The following NRDE2 variants were observed in gnomAD, a reference collection of about 807,000 sequenced individuals.
NRDE2 encodes the protein NRDE-2, necessary for RNA interference, domain containing.
A neutral mutation model predicts 124.2 loss-of-function variants in NRDE2; 76 were observed. The ratio of observed to expected loss-of-function variants is 0.61; its 90% CI spans 0.51 to 0.74. NRDE2 has a LOEUF of 0.74. Ranked by LOEUF, NRDE2 falls within the 30% of genes least tolerant of loss-of-function variation. NRDE2 has a pLI of 0.00. For missense variants in NRDE2, 1,314 were observed against 1,417.3 expected (o/e 0.93, Z 1.17); for synonymous variants, 489 against 528.1 (o/e 0.93, Z 1.01).
At position 90,304,986 on chromosome 14, in the gene NRDE2, C is replaced by T. The variant is rs543175116; in HGVS notation, c.558-604G>A. ...AAAACGCTTTTATGGAACATGTAGG[C>T]GTCCCCAGAGTTAACAAACACATGA... On this transcript the variant is annotated intron_variant, in intron 4 of 13. Transcript: ENST00000354366. 2.6e-5 allele frequency among the ~76,000 whole-genome samples: 4 copies of T among 152,258 alleles called. No homozygotes were observed. In the East Asian group the frequency reaches 5.8e-4, roughly 22 times the overall value.
At position 90,286,404 on chromosome 14, in the gene NRDE2, C is replaced by G; in HGVS notation, c.3247G>C (p.Asp1083His). The G allele has an allele frequency of 6.2e-7, 1 of 1,614,140 alleles. No homozygotes were observed. The highest frequency in any genetic ancestry group is 8.5e-7 in the Non-Finnish European group (1 of 1,180,010). Residue 1083 changes from aspartate to histidine, a missense_variant, in exon 12 of 14, where the codon GAC becomes CAC. Coordinates refer to ENST00000354366, the MANE Select transcript of NRDE2 (RefSeq NM_017970.4). ...QALFENAMRS[D>H]SGSQCPLLWR... ...AGCAAGGGGCACTGGCTGCCACTGT[C>G]GCTGCGCATGGCATTTTCAAACAGG... is the stretch of plus-strand genomic sequence containing the variant.
chr14:90,298,595 C>G (rs1231694159), intron 7 of NRDE2, among the ~76,000 whole-genome samples: 1 of 152,194 alleles, frequency 6.6e-6, no homozygotes, highest in Non-Finnish European at 1.5e-5. Context: ...CATGACCCTA[C>G]CTCTGCCTTG....
rs1051125711 is a variant in NRDE2 at position 90,278,414 on chromosome 14, C to T, written c.3417G>A (p.Glu1139=). The change falls in exon 14 of 14, where the codon GAG becomes GAA. Residue 1139 remains glutamate (E), a synonymous_variant. Coordinates refer to ENST00000354366, the MANE Select transcript of NRDE2 (RefSeq NM_017970.4). ...AVEYFPDEMQ[E]ILDLMTEKEL... ...CCTTCTCAGTCATCAGGTCCAGGAT[C>T]TCCTGCATCTCATCGGGGAAATACT... 1.9e-6 allele frequency: 3 copies of T among 1,614,174 alleles called. No homozygotes were observed. The highest frequency in any genetic ancestry group is 2.5e-6 in the Non-Finnish European group (3 of 1,180,016).
intron 1 of NRDE2, among the ~76,000 whole-genome samples, chr14:90,318,778 G>C (rs1020317158): frequency 6.6e-6 from 1 of 152,108 alleles, no homozygotes; most frequent in African/African-American, 2.4e-5. Flanking sequence ...CAGCATGGAT[G>C]ACAGAGTTAG....
Position 90,312,448 on chromosome 14 carries a change from T to C in NRDE2, c.503A>G (p.Lys168Arg), listed in dbSNP as rs779062271. Residue 168 changes from lysine (K) to arginine (R), a missense_variant, in exon 4 of 14, where the codon AAA becomes AGA. Coordinates refer to ENST00000354366, the MANE Select transcript of NRDE2 (RefSeq NM_017970.4). ...VTGETFRTDK[K>R]PDPANWEYKS... is the part of the protein sequence containing the mutation. ...GTACTCCCAGTTCGCAGGATCTGGT[T>C]TCTTATCTGTTCTGAAGGTTTCTCC... 6.2e-7 allele frequency: 1 copy of C among 1,614,146 alleles called. No individual in the cohort carries two copies. Among genetic ancestry groups the C allele is most frequent in the East Asian group, 2.2e-5 (1 of 44,882 alleles).
At chr14:90,326,715 C>T (rs551808753) in intron 1 of NRDE2, among the ~76,000 whole-genome samples, 1 of 152,148 alleles carries the variant, frequency 6.6e-6, no homozygotes, top group South Asian at 2.1e-4. Flanking sequence ...CATTATAAAA[C>T]AAAATCAAAT....
At chr14:90,283,599 G>A (rs1055045525) in intron 12 of NRDE2, among the ~76,000 whole-genome samples, 3 of 152,106 alleles carry the variant, frequency 2.0e-5, no homozygotes, top group Non-Finnish European at 4.4e-5. Context: ...TCTACTAACA[G>A]CAGCATCCTG....
At position 90,316,642 on chromosome 14, in the gene NRDE2, C is replaced by T. The variant is rs1327268148; in HGVS notation, c.343G>A (p.Asp115Asn). 10 of 1,614,068 alleles carry T rather than the reference C, an allele frequency of 6.2e-6. No individual in the cohort carries two copies. The highest frequency in any genetic ancestry group is 5.0e-5 in the Admixed American group (3 of 59,998). The part of the protein sequence containing the change: ...SSSSRSETDT[D>N]SEKDKPSRGV... Reference sequence around the variant, plus strand: ...CTGGAAGGTTTGTCCTTTTCAGAATCGGTGTCTGTCTCAGACCTGCTGCTA... The same window carrying T: ...CTGGAAGGTTTGTCCTTTTCAGAATTGGTGTCTGTCTCAGACCTGCTGCTA... The change falls in exon 3 of 14, where the codon GAT (aspartate) becomes AAT (asparagine). Residue 115 changes from aspartate (D) to asparagine (N), a missense_variant. Transcript: ENST00000354366.
intron 13 of NRDE2, chr14:90,278,757 C>T (rs1334580098): frequency 3.7e-6 from 2 of 534,534 alleles, no homozygotes; most frequent in South Asian, 2.5e-5. Context: ...CCTGGGCTCT[C>T]ACAGCCAGGC....
intron 1 of NRDE2, among the ~76,000 whole-genome samples, chr14:90,319,957 T>G (rs1034036246): frequency 2.6e-5 from 4 of 152,240 alleles, no homozygotes; most frequent in African/African-American, 9.6e-5. Context: ...TGTATAAGAA[T>G]TCCAGTTTCT....
At position 90,288,305 on chromosome 14, in the gene NRDE2, T is replaced by C. The variant is rs1283205484; in HGVS notation, c.3070A>G (p.Ile1024Val). ...ASKTRRFFDT[I>V]TRSAKPLEPW... is the part of the protein sequence containing the mutation. ...TCCAAGGGTTTGGCAGACCTGGTGA[T>C]TGTGTCAAAAAATCTCCTGGTTTTG... The change falls in exon 11 of 14, where the codon ATC (isoleucine) becomes GTC (valine). Residue 1024 changes from isoleucine (I) to valine (V), a missense_variant. Physicochemically the swap from Ile to Val is conservative, Grantham distance 29. Transcript: ENST00000354366. 8.1e-6 allele frequency: 13 copies of C among 1,614,178 alleles called. No homozygotes were observed. The highest frequency in any genetic ancestry group is 1.3e-5 in the African/African-American group (1 of 75,044).
rs967205490 is a variant in NRDE2 at position 90,267,986 on chromosome 14, C to G, written c.*10350G>C. 2.5e-6 allele frequency: 1 copy of G among 396,600 alleles called. No homozygotes were observed. The highest frequency in any genetic ancestry group is 4.5e-6 in the Non-Finnish European group (1 of 224,538). The allele number at this position is 396,600 out of a possible 1,614,324, so 24.6% of individuals were successfully genotyped here. A position where few individuals can be genotyped will look rare whatever the true frequency, so the allele number is the denominator to read the frequency against. On this transcript the variant is annotated 3_prime_UTR_variant, in exon 14 of 14. Transcript: ENST00000354366. Reference sequence around the variant, plus strand: ...TAACCAAGTAAAAAGTATTTTCTGACGTTATCATAAGTTCAGCAAAATAGC... The same window carrying G: ...TAACCAAGTAAAAAGTATTTTCTGAGGTTATCATAAGTTCAGCAAAATAGC...
rs1320796567 is a variant in NRDE2 at position 90,273,697 on chromosome 14, T to G, written c.*4639A>C. 1 of 154,120 alleles carries G rather than the reference T, an allele frequency of 6.5e-6. No individual in the cohort carries two copies. Among genetic ancestry groups the G allele is most frequent in the Non-Finnish European group, 1.5e-5 (1 of 68,218 alleles). 9.5% of individuals were successfully genotyped at this position (154,120 alleles called of 1,614,324 possible). On this transcript the variant is annotated 3_prime_UTR_variant, in exon 14 of 14. Transcript: ENST00000354366. ...TGGCGTCTCTAAGGGAGAATCCGTT[T>G]CCTTGCTGAGGATTATTGTTGGCAG...
intron 1 of NRDE2, among the ~76,000 whole-genome samples, chr14:90,319,513 T>C (rs1246452897): frequency 6.9e-6 from 1 of 145,606 alleles, no homozygotes; most frequent in African/African-American, 2.5e-5. Context: ...CCCGCCCACC[T>C]CACCCCTAGC....
intron 4 of NRDE2, among the ~76,000 whole-genome samples, chr14:90,310,519 C>T (rs1374278276): frequency 8.7e-6 from 1 of 114,416 alleles, no homozygotes; most frequent in East Asian, 3.1e-4. Context: ...TTGTTGACTG[C>T]CCTTTTTTTT....
At chr14:90,297,391 G>A (rs1047634243) in intron 8 of NRDE2, among the ~76,000 whole-genome samples, 1 of 151,758 alleles carries the variant, frequency 6.6e-6, no homozygotes, top group African/African-American at 2.4e-5. Context: ...AACATCATCT[G>A]TTCCTTTTTA....
intron 2 of NRDE2, 51 bp from the exon 3 acceptor site, chr14:90,316,862 A>T: frequency 8.6e-7 from 1 of 1,169,154 alleles, no homozygotes; most frequent in African/African-American, 1.5e-5. Context: ...ATGTAGGAAA[A>T]ATAATACTAT....
chr14:90,321,119 AT>A (rs1211747753), intron 1 of NRDE2, among the ~76,000 whole-genome samples: 6 of 152,352 alleles, frequency 3.9e-5, no homozygotes, highest in Non-Finnish European at 8.8e-5. Context: ...CAATTCCAGT[AT>A]ATTTCTATAT....
intron 3 of NRDE2, among the ~76,000 whole-genome samples, chr14:90,313,009 C>T (rs1884900773): frequency 6.6e-6 from 1 of 152,182 alleles, no homozygotes; most frequent in Non-Finnish European, 1.5e-5. Flanking sequence ...CTAACTTCGC[C>T]TAACTTACTT....
Sources: allele counts gnomAD v4.1 joint callset (sites outside exome capture counted in the v4.1 genomes callset), GRCh38; gene constraint gnomAD v4.1.1; transcripts MANE v1.5; gene names NCBI Gene and HGNC (gene_info 2026-07-23, HGNC 2026-07-21).